Variants in GALNT13 observed in about 807,000 individuals in gnomAD.
GALNT13 encodes the protein polypeptide N-acetylgalactosaminyltransferase 13, also known as UDP-GalNAc:polypeptide N-acetylgalactosaminyltransferase 13.
Under a neutral mutation model 64.2 loss-of-function variants are expected in GALNT13, and 28 were observed. The ratio of observed to expected loss-of-function variants is 0.44; its 90% CI spans 0.32 to 0.60. GALNT13 has a LOEUF of 0.60. Ranked by LOEUF, GALNT13 falls within the 20% of genes least tolerant of loss-of-function variation. The pLI, the probability that GALNT13 is intolerant of heterozygous loss-of-function variation, is 0.05. For synonymous variants in GALNT13, 214 were observed against 224.6 expected, an observed-to-expected ratio of 0.95 and a Z score of 0.42; for missense variants, 577 against 669.8, an observed-to-expected ratio of 0.86 and a Z score of 1.53.
chr2:154,009,418 T>C (rs1696474798), intron 3 of GALNT13, among the ~76,000 whole-genome samples: 1 of 152,126 alleles, frequency 6.6e-6, no homozygotes, highest in Admixed American at 6.5e-5. Flanking sequence ...AAAATACTTT[T>C]TAAAAAAAAT....
At chr2:153,574,472 C>G in the GALNT13 span, among the ~76,000 whole-genome samples, 3 of 151,978 alleles carry the variant, frequency 2.0e-5, no homozygotes, top group Non-Finnish European at 2.9e-5. Context: ...TTGAAGCCAC[C>G]TTTAAGGCCT....
chr2:154,359,023 A>G (rs566580185), intron 9 of GALNT13, among the ~76,000 whole-genome samples: 1 of 152,272 alleles, frequency 6.6e-6, no homozygotes, highest in South Asian at 2.1e-4. Context: ...GGAGGCAGGA[A>G]CCTAGTCTTA....
chr2:153,181,627 A>G, the GALNT13 span, among the ~76,000 whole-genome samples: 6 of 146,450 alleles, frequency 4.1e-5, no homozygotes, highest in South Asian at 1.0e-3. Context: ...AATATAATTT[A>G]TATATTTATA....
At chr2:153,952,437 T>C (rs1692259101) in intron 3 of GALNT13, among the ~76,000 whole-genome samples, 2 of 152,098 alleles carry the variant, frequency 1.3e-5, no homozygotes, top group African/African-American at 4.8e-5. Flanking sequence ...TTTAAGAAAA[T>C]AAGCCTATAG....
At chr2:153,576,603 C>T in the GALNT13 span, among the ~76,000 whole-genome samples, 1 of 152,190 alleles carries the variant, frequency 6.6e-6, no homozygotes, top group East Asian at 1.9e-4. Context: ...ATGCTGTCTG[C>T]ACCATGCAGC....
the GALNT13 span, among the ~76,000 whole-genome samples, chr2:153,399,833 A>C: frequency 0.15 from 22,301 of 151,600 alleles, 1,681 homozygotes; most frequent in African/African-American, 0.17. Context: ...GGCTGAGACA[A>C]TGGGGTTTTC....
intron 6 of GALNT13, among the ~76,000 whole-genome samples, chr2:154,244,811 C>G (rs1689686721): frequency 2.0e-5 from 3 of 152,076 alleles, no homozygotes; most frequent in Admixed American, 2.0e-4. Context: ...GAACACCAAC[C>G]TTTCTCTTAC....
At chr2:153,442,848 A>T in the GALNT13 span, among the ~76,000 whole-genome samples, 1 of 152,112 alleles carries the variant, frequency 6.6e-6, no homozygotes, top group Non-Finnish European at 1.5e-5. Flanking sequence ...TTGCACTGTG[A>T]GGGGAAAACC....
chr2:154,201,186 A>G (rs1687149293), intron 4 of GALNT13, among the ~76,000 whole-genome samples: 1 of 152,098 alleles, frequency 6.6e-6, no homozygotes, highest in Admixed American at 6.6e-5. Flanking sequence ...TAATAATGTA[A>G]TCTGAATGAC....
the GALNT13 span, among the ~76,000 whole-genome samples, chr2:153,260,297 A>T: frequency 6.6e-6 from 1 of 152,230 alleles, no homozygotes; most frequent in Non-Finnish European, 1.5e-5. Context: ...AGTGAATTTT[A>T]TACCTTCACA....
chr2:153,883,039 T>A (rs1477921071), intron 1 of GALNT13, among the ~76,000 whole-genome samples: 3 of 147,024 alleles, frequency 2.0e-5, no homozygotes, highest in African/African-American at 7.5e-5. Context: ...ATGTTATTTT[T>A]ATATATATAT....
At chr2:153,326,795 GA>G in the GALNT13 span, among the ~76,000 whole-genome samples, 2 of 152,124 alleles carry the variant, frequency 1.3e-5, no homozygotes, top group Non-Finnish European at 2.9e-5. Context: ...TTTTCTTTAA[GA>G]ATGTTGAGGC....
chr2:153,594,671 G>A, the GALNT13 span, among the ~76,000 whole-genome samples: 1,133 of 152,068 alleles, frequency 7.5e-3, 8 homozygotes, highest in African/African-American at 0.026. Flanking sequence ...TATGATGAAG[G>A]TAAATATATT....
the GALNT13 span, among the ~76,000 whole-genome samples, chr2:153,637,586 C>G: frequency 1.3e-5 from 2 of 152,206 alleles, no homozygotes; most frequent in East Asian, 3.9e-4. Flanking sequence ...AATATAACAG[C>G]AAGTTTTTTG....
At chr2:153,688,741 T>G in the GALNT13 span, among the ~76,000 whole-genome samples, 1 of 152,192 alleles carries the variant, frequency 6.6e-6, no homozygotes, top group East Asian at 1.9e-4. Context: ...TAAACTTGTT[T>G]GTAACATGCA....
intron 4 of GALNT13, among the ~76,000 whole-genome samples, chr2:154,143,053 A>G (rs957208853): frequency 1.3e-5 from 2 of 152,144 alleles, no homozygotes; most frequent in Non-Finnish European, 2.9e-5. Flanking sequence ...ACTGGGGACC[A>G]GTTTTGTGGA....
At chr2:153,940,456 C>T (rs1413032885) in intron 2 of GALNT13, among the ~76,000 whole-genome samples, 7 of 151,866 alleles carry the variant, frequency 4.6e-5, no homozygotes, top group Non-Finnish European at 8.8e-5. Flanking sequence ...CGGGTTTTGC[C>T]ATGTTGACCA....
chr2:154,101,615 T>C (rs1295478332), intron 3 of GALNT13, among the ~76,000 whole-genome samples: 1 of 152,128 alleles, frequency 6.6e-6, no homozygotes, highest in Non-Finnish European at 1.5e-5. Context: ...TTCAATTTCA[T>C]TAATCTTAGT....
At chr2:153,332,534 G>GTTTTTTTTTTTTTTTTTT in the GALNT13 span, among the ~76,000 whole-genome samples, 4 of 136,256 alleles carry the variant, frequency 2.9e-5, no homozygotes, top group East Asian at 6.5e-4. Flanking sequence ...TGAGAGTATT[G>GTTTTTTTTTTTTTTTTTT]TTTTTTTTTT....
Sources: gnomAD v4.1 joint callset for allele counts (sites outside exome capture counted in the v4.1 genomes callset) on GRCh38, gnomAD v4.1.1 for gene constraint, MANE v1.5 for transcripts, NCBI Gene and HGNC (gene_info 2026-07-23, HGNC 2026-07-21) for gene names.